Variants in ARHGAP30 observed in about 807,000 individuals in gnomAD.
The protein encoded by ARHGAP30 is rho GTPase-activating protein 30.
Under a neutral mutation model 72.0 loss-of-function variants are expected in ARHGAP30, and 23 were observed. That is an observed-to-expected ratio of 0.32 (90% CI 0.23 to 0.45). ARHGAP30 has a LOEUF of 0.45. Ranked by LOEUF, ARHGAP30 falls within the 20% of genes least tolerant of loss-of-function variation. ARHGAP30 has a pLI of 1.00. For synonymous variants in ARHGAP30, 576 were observed against 528.2 expected (o/e 1.09, Z -1.24); for missense variants, 1,319 against 1,383.4 (o/e 0.95, Z 0.74).
chr1:161,065,728 G>A (rs186329309), intron 1 of ARHGAP30, among the ~76,000 whole-genome samples: 7 of 151,526 alleles, frequency 4.6e-5, no homozygotes, highest in South Asian at 4.2e-4. Flanking sequence ...CACTCTGCCC[G>A]GCTAATTTTT....
chr1:161,062,243 C>G (rs1051050013), intron 1 of ARHGAP30, among the ~76,000 whole-genome samples: 1 of 152,116 alleles, frequency 6.6e-6, no homozygotes, highest in East Asian at 1.9e-4. Context: ...CTTACAAATA[C>G]GAAATAAAAT....
chr1:161,058,568 A>C (rs1652063174), intron 2 of ARHGAP30, among the ~76,000 whole-genome samples: 1 of 150,904 alleles, frequency 6.6e-6, no homozygotes, highest in South Asian at 2.1e-4. Context: ...CAGAGGTTGC[A>C]ATGAGCCAAG....
At position 161,051,547 on chromosome 1, in the gene ARHGAP30, A is replaced by T. The variant is rs761720445; in HGVS notation, c.1187T>A (p.Ile396Asn). ...TGCACGGCTGCTGCCCCCAGCCCGGATGGCTGACCGCCCAGCTCGTGGTGT... is the reference window on the plus strand; with the variant it reads ...TGCACGGCTGCTGCCCCCAGCCCGGTTGGCTGACCGCCCAGCTCGTGGTGT... ...PGTPRAGRSA[I>N]RAGGSSRAER... Residue 396 changes from isoleucine to asparagine, a missense_variant, in exon 10 of 12, where the codon ATC becomes AAC. Around this residue, in one of 2 missense-constraint regions of ARHGAP30, gnomAD observed 1,097 missense variants for 1,045.2 expected, o/e 1.05. Transcript: ENST00000368013. The T allele has an allele frequency of 6.2e-7, 1 of 1,614,142 alleles. No homozygotes were observed. Among genetic ancestry groups the T allele is most frequent in the Non-Finnish European group, 8.5e-7 (1 of 1,180,036 alleles).
chr1:161,050,933 C>T (rs144012779), intron 10 of ARHGAP30, among the ~76,000 whole-genome samples: 27 of 152,270 alleles, frequency 1.8e-4, no homozygotes, highest in African/African-American at 4.8e-4. Flanking sequence ...TGAGCCACGG[C>T]GCCTGGCTGG....
chr1:161,047,570 C>T lies in ARHGAP30; in HGVS notation c.*145G>A. 1.2e-6 allele frequency: 1 copy of T among 823,786 alleles called. No homozygotes were observed. Among genetic ancestry groups the T allele is most frequent in the Non-Finnish European group, 1.7e-6 (1 of 577,478 alleles). 51.0% of individuals were successfully genotyped at this position (823,786 alleles called of 1,614,324 possible). Reference sequence around the variant, plus strand: ...GGTAAACCAACCAAGGCAGTGCCTCCCACAGTCAAAGAGAGAAGCTGGAGG... The same window carrying T: ...GGTAAACCAACCAAGGCAGTGCCTCTCACAGTCAAAGAGAGAAGCTGGAGG... On this transcript the variant is annotated 3_prime_UTR_variant, in exon 12 of 12. Coordinates refer to ENST00000368013, the MANE Select transcript of ARHGAP30 (RefSeq NM_001025598.2).
rs1336617530 is a variant in ARHGAP30 at position 161,052,751 on chromosome 1, T to C, written c.711A>G (p.Ala237=). ...SGWRSLPGTR[A]SGSPEDLMPR... is the part of the protein sequence containing the mutation. ...GCATAAGGTCCTCGGGGCTGCCTGA[T>C]GCCCGGGTCCCTGGAAGCGATCGCC... Residue 237 remains alanine (A), a synonymous_variant, in exon 7 of 12, where the codon GCA becomes GCG. Transcript: ENST00000368013. The C allele has an allele frequency of 1.9e-6, 3 of 1,611,914 alleles. No homozygotes were observed. In the South Asian group the frequency reaches 3.3e-5, roughly 18 times the overall value.
At chr1:161,057,904 C>T (rs1651995283) in intron 2 of ARHGAP30, among the ~76,000 whole-genome samples, 1 of 152,092 alleles carries the variant, frequency 6.6e-6, no homozygotes, top group Non-Finnish European at 1.5e-5. Context: ...GTAATCCCAG[C>T]ACTTCTGGAG....
Position 161,069,630 on chromosome 1 carries a change from G to A in ARHGAP30, c.-6C>T. 6.2e-7 allele frequency: 1 copy of A among 1,608,426 alleles called. No individual in the cohort carries two copies. The highest frequency in any genetic ancestry group is 8.5e-7 in the Non-Finnish European group (1 of 1,179,972). ...CCTTTCTGCCGAGACTTCATGGCCA[G>A]AGCCCCAGGGCACTGGCCCGGTCAC... On this transcript the variant is annotated 5_prime_UTR_variant, in exon 1 of 12. Coordinates refer to ENST00000368013, the MANE Select transcript of ARHGAP30 (RefSeq NM_001025598.2). The surrounding 1 kb of genome is among the most constrained non-coding windows in gnomAD (Gnocchi z 4.9).
In ARHGAP30 at chr1:161,052,540, C is replaced by A; in HGVS notation, c.840G>T (p.Arg280Ser). 2 of 1,613,982 alleles carry A rather than the reference C, an allele frequency of 1.2e-6. No individual in the cohort carries two copies. The highest frequency in any genetic ancestry group is 1.7e-6 in the Non-Finnish European group (2 of 1,180,018). Reference protein sequence around the residue: ...HTIIEIAEHKRKGSLKVRKWR... With the variant: ...HTIIEIAEHKSKGSLKVRKWR... ...ACTTCCTGACCTTCAAAGACCCCTT[C>A]CTCCTACAAAGAATGGAGGGGCATA... Residue 280 changes from arginine (R) to serine (S), a missense_variant, in exon 8 of 12, where the codon AGG (arginine) becomes AGT (serine). Physicochemically the swap from Arg to Ser is moderately radical, Grantham distance 110. Coordinates refer to ENST00000368013, the MANE Select transcript of ARHGAP30 (RefSeq NM_001025598.2).
rs1651500713 is a variant in ARHGAP30 at position 161,052,713 on chromosome 1, G to T, written c.749C>A (p.Pro250His). The change falls in exon 7 of 12, where the codon CCT becomes CAT. Residue 250 changes from proline (P) to histidine (H), a missense_variant. Pro to His is a moderately conservative substitution (Grantham distance 77). Transcript: ENST00000368013. ...SPEDLMPRPL[P>H]YHLPSILQAG... Reference sequence around the variant, plus strand: ...CTGCAGTATGCTAGGCAGGTGATAAGGCAGTGGCCTGGGCATAAGGTCCTC... The same window carrying T: ...CTGCAGTATGCTAGGCAGGTGATAATGCAGTGGCCTGGGCATAAGGTCCTC... 6.2e-7 allele frequency: 1 copy of T among 1,612,914 alleles called. No individual in the cohort carries two copies. The highest frequency in any genetic ancestry group is 8.5e-7 in the Non-Finnish European group (1 of 1,180,014).
chr1:161,060,278 A>G, intron 1 of ARHGAP30: 1 of 420,548 alleles, frequency 2.4e-6, no homozygotes, highest in Non-Finnish European at 4.7e-6. Flanking sequence ...TCAAAAAAAA[A>G]AAAAGAAAGA....
intron 1 of ARHGAP30, among the ~76,000 whole-genome samples, chr1:161,062,024 G>A (rs770049955): frequency 6.6e-6 from 1 of 152,090 alleles, no homozygotes; most frequent in Non-Finnish European, 1.5e-5. Context: ...GGAGGTGGAG[G>A]TTGCAATGAG....
At chr1:161,054,295 C>T in intron 5 of ARHGAP30, 71 bp downstream of exon 5, 1 of 1,386,448 alleles carries the variant, frequency 7.2e-7, no homozygotes, top group African/African-American at 1.4e-5. Flanking sequence ...AGTCACACCT[C>T]ATCCTGGGAG....
rs372828279 is a variant in ARHGAP30 at position 161,047,995 on chromosome 1, C to T, written c.3026G>A (p.Arg1009Lys). ...AAVALARDRQ[R>K]TEAQGVRRTQ... is the part of the protein sequence containing the mutation. ...TCGCCGAACTCCTTGAGCCTCAGTC[C>T]TTTGGCGGTCCCGGGCTAGGGCCAC... The change falls in exon 12 of 12, where the codon AGG becomes AAG. Residue 1009 changes from arginine to lysine, a missense_variant. Arg to Lys is a conservative substitution (Grantham distance 26). Coordinates refer to ENST00000368013, the MANE Select transcript of ARHGAP30 (RefSeq NM_001025598.2). 16 of 1,614,046 alleles carry T rather than the reference C, an allele frequency of 9.9e-6. No homozygotes were observed. The African/African-American group carries it at 1.2e-4, about 12-fold the overall frequency.
chr1:161,056,954 T>C (rs1651922297), intron 2 of ARHGAP30, among the ~76,000 whole-genome samples: 1 of 152,122 alleles, frequency 6.6e-6, no homozygotes, highest in South Asian at 2.1e-4. Flanking sequence ...TTAGATATGA[T>C]ACTAAAAGCA....
At chr1:161,052,603 A>G (rs1172896722) in intron 7 of ARHGAP30, 23 bp downstream of exon 7, 1 of 1,613,604 alleles carries the variant, frequency 6.2e-7, no homozygotes, top group Non-Finnish European at 8.5e-7. Context: ...GCAGGGGAGG[A>G]AGGCCCAGGA....
At position 161,047,580 on chromosome 1, in the gene ARHGAP30, AGAG is replaced by A; in HGVS notation, c.*132_*134del. The stretch of plus-strand genomic sequence containing the variant: ...CCAAGGCAGTGCCTCCCACAGTCAA[AGAG>A]AGAAGCTGGAGGGCCAAAGCCTATA... On this transcript the variant is annotated 3_prime_UTR_variant, in exon 12 of 12. Coordinates refer to ENST00000368013, the MANE Select transcript of ARHGAP30 (RefSeq NM_001025598.2). 1.1e-6 allele frequency: 1 copy of A among 943,970 alleles called. No individual in the cohort carries two copies. Among genetic ancestry groups the A allele is most frequent in the South Asian group, 2.9e-5 (1 of 34,484 alleles). The allele number at this position is 943,970 out of a possible 1,614,324, so 58.5% of individuals were successfully genotyped here.
At chr1:161,055,930 TA>T (rs869078670) in intron 3 of ARHGAP30, among the ~76,000 whole-genome samples, 11 of 20,360 alleles carry the variant, frequency 5.4e-4, no homozygotes, top group South Asian at 4.3e-3. Flanking sequence ...TAAAATAAAA[TA>T]AAATAAATAT....
rs57715838 is a variant in ARHGAP30 at position 161,055,880 on chromosome 1, TA to T, written c.345+507del. On this transcript the variant is annotated intron_variant, in intron 3 of 11. Coordinates refer to ENST00000368013, the MANE Select transcript of ARHGAP30 (RefSeq NM_001025598.2). ...ATAAATAAAATAAAATAAAATAAAA[TA>T]AAAATAAATAAAATAAAATAAAATA... Among the ~76,000 whole-genome samples the T allele has an allele frequency of 3.0e-3, 131 of 43,340 alleles. 1 individual carries two copies. Among genetic ancestry groups the T allele is most frequent in the East Asian group, 0.014 (32 of 2,228 alleles). 28.4% of individuals were successfully genotyped at this position (43,340 alleles called of 152,430 possible).
Sources: allele counts gnomAD v4.1 joint callset (sites outside exome capture counted in the v4.1 genomes callset), GRCh38; gene constraint gnomAD v4.1.1; regional missense constraint gnomAD v4.1.1; non-coding constraint Gnocchi (gnomAD v3.1); transcripts MANE v1.5; gene names NCBI Gene and HGNC (gene_info 2026-07-23, HGNC 2026-07-21).